The following CDH10 variants were observed in gnomAD, a reference collection of about 807,000 sequenced individuals.
CDH10 encodes the protein cadherin 10.
In CDH10, 30 loss-of-function variants were observed where a neutral mutation model predicts 73.1. The observed-to-expected ratio is 0.41, with a 90% CI of 0.31 to 0.56. The LOEUF (loss-of-function observed/expected upper bound fraction) is 0.56. Ranked by LOEUF, CDH10 falls within the 20% of genes least tolerant of loss-of-function variation. The pLI, the probability that CDH10 is intolerant of heterozygous loss-of-function variation, is 0.27. For synonymous variants in CDH10, 345 were observed against 348.2 expected, an observed-to-expected ratio of 0.99 and a Z score of 0.10; for missense variants, 815 against 973.7, an observed-to-expected ratio of 0.84 and a Z score of 2.17.
At chr5:24,590,181 G>C (rs1218946019) in intron 2 of CDH10, among the ~76,000 whole-genome samples, 2 of 151,634 alleles carry the variant, frequency 1.3e-5, no homozygotes, top group East Asian at 1.9e-4. Context: ...GTTTTGAATT[G>C]AGCATGGTTG....
chr5:24,635,241 A>C (rs1419938852), intron 1 of CDH10, among the ~76,000 whole-genome samples: 1 of 151,930 alleles, frequency 6.6e-6, no homozygotes, highest in Non-Finnish European at 1.5e-5. Flanking sequence ...TCAAAACGTT[A>C]ATGGAATAAT....
chr5:24,641,449 A>C (rs1748046779), intron 1 of CDH10, among the ~76,000 whole-genome samples: 1 of 152,066 alleles, frequency 6.6e-6, no homozygotes, highest in South Asian at 2.1e-4. Context: ...AGAAAGGAAA[A>C]AGGCAGATTT....
chr5:24,641,379 T>C (rs1410226617), intron 1 of CDH10, among the ~76,000 whole-genome samples: 1 of 151,972 alleles, frequency 6.6e-6, no homozygotes, highest in South Asian at 2.1e-4. Flanking sequence ...GTTGAACTTA[T>C]TGGGGTAAAT....
At chr5:24,572,468 C>T (rs998777600) in intron 2 of CDH10, among the ~76,000 whole-genome samples, 18 of 151,836 alleles carry the variant, frequency 1.2e-4, no homozygotes, top group Admixed American at 3.3e-4. Flanking sequence ...ATTTCTGGAC[C>T]TGAGGATCTT....
intron 10 of CDH10, 53 bp downstream of exon 10, chr5:24,492,763 GA>G: frequency 1.3e-6 from 1 of 786,132 alleles, no homozygotes; most frequent in Non-Finnish European, 2.3e-6. Context: ...TTACACTCGG[GA>G]AATTTCCTGT....
At chr5:24,502,200 G>A (rs1168325832) in intron 8 of CDH10, among the ~76,000 whole-genome samples, 1 of 152,128 alleles carries the variant, frequency 6.6e-6, no homozygotes, top group Non-Finnish European at 1.5e-5. Flanking sequence ...GGGATTACAG[G>A]CGTGAGCCAC....
chr5:24,520,424 G>C (rs1233477191), intron 5 of CDH10, among the ~76,000 whole-genome samples: 1 of 152,008 alleles, frequency 6.6e-6, no homozygotes, highest in African/African-American at 2.4e-5. Flanking sequence ...AACAAGAAGA[G>C]CTCAATATAT....
chr5:24,525,852 G>T (rs1237573516), intron 5 of CDH10, among the ~76,000 whole-genome samples: 1 of 152,042 alleles, frequency 6.6e-6, no homozygotes, highest in African/African-American at 2.4e-5. Flanking sequence ...AGCTTTCAGC[G>T]AAGCTGCCAT....
At chr5:24,601,136 C>A (rs1345953308) in intron 1 of CDH10, among the ~76,000 whole-genome samples, 1 of 151,978 alleles carries the variant, frequency 6.6e-6, no homozygotes, top group East Asian at 1.9e-4. Flanking sequence ...TTTTCATGGG[C>A]CTCCAAAAGT....
chr5:24,556,642 T>C (rs1469301915), intron 2 of CDH10, among the ~76,000 whole-genome samples: 1 of 151,776 alleles, frequency 6.6e-6, no homozygotes, highest in African/African-American at 2.4e-5. Context: ...AAATTAAACA[T>C]CTTTTTTGGT....
chr5:24,567,774 A>G (rs1036533717), intron 2 of CDH10, among the ~76,000 whole-genome samples: 1 of 152,106 alleles, frequency 6.6e-6, no homozygotes, highest in Non-Finnish European at 1.5e-5. Flanking sequence ...GTACTTTGCT[A>G]TATGTAAATT....
intron 5 of CDH10, among the ~76,000 whole-genome samples, chr5:24,534,415 T>C (rs928784031): frequency 2.0e-5 from 3 of 152,066 alleles, no homozygotes; most frequent in South Asian, 2.1e-4. Flanking sequence ...TCCTCTTTAG[T>C]ATGCGAGCAG....
chr5:24,526,504 G>A (rs1173078151), intron 5 of CDH10, among the ~76,000 whole-genome samples: 1 of 151,426 alleles, frequency 6.6e-6, no homozygotes, highest in African/African-American at 2.4e-5. Context: ...CTTTCTGCAG[G>A]GATCTCAATT....
intron 1 of CDH10, among the ~76,000 whole-genome samples, chr5:24,630,990 G>A (rs562846310): frequency 5.3e-5 from 8 of 152,070 alleles, no homozygotes; most frequent in South Asian, 2.1e-4. Context: ...TAGCTAGATT[G>A]AATACTTTGG....
intron 5 of CDH10, among the ~76,000 whole-genome samples, chr5:24,518,430 C>A (rs7715943): frequency 0.015 from 2,259 of 152,058 alleles, 51 homozygotes; most frequent in African/African-American, 0.051. Context: ...TGTATATATG[C>A]ACACAGATAA....
intron 10 of CDH10, among the ~76,000 whole-genome samples, chr5:24,492,561 C>T (rs962325387): frequency 1.3e-5 from 2 of 152,060 alleles, no homozygotes; most frequent in East Asian, 1.9e-4. Context: ...TATCTCCAGC[C>T]GTTCTAATCT....
chr5:24,535,069 C>G (rs1177339669), intron 5 of CDH10, 43 bp downstream of exon 5: 1 of 1,487,836 alleles, frequency 6.7e-7, no homozygotes, highest in African/African-American at 1.4e-5. Context: ...TTTTTTTACT[C>G]TAAATCTTTT....
At chr5:24,491,074 C>T (rs913051493) in intron 11 of CDH10, among the ~76,000 whole-genome samples, 2 of 152,152 alleles carry the variant, frequency 1.3e-5, no homozygotes, top group African/African-American at 2.4e-5. Context: ...TACTACACCA[C>T]TCAAGAGGAA....
chr5:24,591,306 A>C (rs1746193508), intron 2 of CDH10, among the ~76,000 whole-genome samples: 1 of 151,980 alleles, frequency 6.6e-6, no homozygotes, highest in South Asian at 2.1e-4. Context: ...AAATTGATTG[A>C]AATGTGAGCT....
Sources: gnomAD v4.1 joint callset for allele counts (sites outside exome capture counted in the v4.1 genomes callset) on GRCh38, gnomAD v4.1.1 for gene constraint, MANE v1.5 for transcripts, NCBI Gene and HGNC (gene_info 2026-07-23, HGNC 2026-07-21) for gene names.